FDFT1: variants seen among roughly 807,000 people sequenced by gnomAD.
The protein encoded by FDFT1 is farnesyl-diphosphate farnesyltransferase 1.
FDFT1 carries 68 observed loss-of-function variants against 46.8 expected under a neutral mutation model. The observed-to-expected ratio is 1.45, with a 90% CI of 1.19 to 1.78. FDFT1 has a LOEUF of 1.78. Ranked by LOEUF, FDFT1 falls within the 40% of genes most tolerant of loss-of-function variation. The pLI is 0.00. For missense variants in FDFT1, 928 were observed against 524.4 expected (o/e 1.77, Z -7.52); for synonymous variants, 351 against 185.1 (o/e 1.90, Z -7.28).
upstream of FDFT1, chr8:11,802,109 C>G: frequency 2.2e-6 from 1 of 454,834 alleles, no homozygotes; most frequent in Non-Finnish European, 4.4e-6. Flanking sequence ...CTCAAGTAAA[C>G]ACTAGAGAGG....
chr8:11,837,458 C>T (rs1050514671), intron 7 of FDFT1, among the ~76,000 whole-genome samples: 1 of 152,124 alleles, frequency 6.6e-6, no homozygotes, highest in Admixed American at 6.5e-5. Context: ...TCTTAAACGC[C>T]TGAGCTTAAG....
intron 7 of FDFT1, among the ~76,000 whole-genome samples, chr8:11,837,315 C>G (rs1052890476): frequency 6.6e-6 from 1 of 152,214 alleles, no homozygotes; most frequent in Admixed American, 6.5e-5. Context: ...ACTGCAACCT[C>G]CACCTCCCAG....
chr8:11,811,021 A>C (rs1807644251), intron 3 of FDFT1, among the ~76,000 whole-genome samples: 1 of 152,092 alleles, frequency 6.6e-6, no homozygotes, highest in African/African-American at 2.4e-5. Context: ...ATCAGACCTT[A>C]AGTACCAAAG....
upstream of FDFT1, chr8:11,802,367 C>G (rs572565687): frequency 1.3e-5 from 6 of 450,628 alleles, no homozygotes; most frequent in South Asian, 3.1e-5. Context: ...GCACTGCTCT[C>G]CCGACTGCGG....
chr8:11,808,519 T>C (rs968616399), intron 1 of FDFT1: 3 of 1,333,894 alleles, frequency 2.2e-6, no homozygotes, highest in Admixed American at 3.8e-5. Flanking sequence ...GCGATTCCCA[T>C]GGCCGCAGCC....
intron 3 of FDFT1, among the ~76,000 whole-genome samples, chr8:11,820,478 G>A (rs1383196391): frequency 7.2e-6 from 1 of 138,978 alleles, no homozygotes; most frequent in African/African-American, 2.6e-5. Context: ...GAGGCAGTAG[G>A]CCTTGCTGAG....
chr8:11,797,282 G>T (rs957270594), upstream of FDFT1, among the ~76,000 whole-genome samples: 2 of 152,164 alleles, frequency 1.3e-5, no homozygotes, highest in Non-Finnish European at 2.9e-5. Flanking sequence ...GGTTGTTTAA[G>T]CCATGGTTCT....
chr8:11,819,963 T>G (rs2409833), intron 3 of FDFT1, among the ~76,000 whole-genome samples: 69,430 of 151,954 alleles, frequency 0.46, 17,107 homozygotes, highest in East Asian at 0.77. Flanking sequence ...CTGCTGTGGT[T>G]TCTCCCCATC....
chr8:11,809,278 G>A (rs1807368928), intron 2 of FDFT1: 1 of 1,102,736 alleles, frequency 9.1e-7, no homozygotes, highest in African/African-American at 1.6e-5. Flanking sequence ...CATGAACTTA[G>A]ACCAGTTGCC....
upstream of FDFT1, among the ~76,000 whole-genome samples, chr8:11,799,012 A>G (rs1563283917): frequency 6.6e-6 from 1 of 152,222 alleles, no homozygotes; most frequent in Non-Finnish European, 1.5e-5. Context: ...CTAAACGTAC[A>G]TATTTAACAG....
intron 4 of FDFT1, among the ~76,000 whole-genome samples, chr8:11,823,246 A>G (rs1809508256): frequency 6.6e-6 from 1 of 152,254 alleles, no homozygotes; most frequent in South Asian, 2.1e-4. Context: ...TGACCAGCCA[A>G]TTATTTCAAG....
chr8:11,818,253 C>A (rs541369752), intron 3 of FDFT1, among the ~76,000 whole-genome samples: 1 of 152,290 alleles, frequency 6.6e-6, no homozygotes, highest in African/African-American at 2.4e-5. Flanking sequence ...TGTTCTTTTA[C>A]ATTTGCTGAG....
chr8:11,808,715 C>CTCCCAG (rs1287645760), intron 1 of FDFT1, 79 bp from the exon 2 acceptor site: 13 of 6,582 alleles, frequency 2.0e-3, no homozygotes, highest in East Asian at 0.013. Context: ...CCCAGTCCCA[C>CTCCCAG]TCCCACTCCC....
At chr8:11,818,505 T>G (rs950379233) in intron 3 of FDFT1, among the ~76,000 whole-genome samples, 1 of 152,226 alleles carries the variant, frequency 6.6e-6, no homozygotes, top group African/African-American at 2.4e-5. Context: ...TAAGTCTTTT[T>G]CTAGGTCTCT....
chr8:11,836,223 A>C (rs942497643), intron 7 of FDFT1, among the ~76,000 whole-genome samples: 1 of 151,894 alleles, frequency 6.6e-6, no homozygotes, highest in Admixed American at 6.6e-5. Context: ...GGGTCATTGT[A>C]GTGAATGCCT....
At chr8:11,832,551 CAAAAAA>C (rs531759815) in intron 7 of FDFT1, among the ~76,000 whole-genome samples, 446 of 36,368 alleles carry the variant, frequency 0.012, 12 homozygotes, top group South Asian at 0.03. Flanking sequence ...GACTTTGTCT[CAAAAAA>C]AAAAAAAAAA....
At chr8:11,834,321 G>C (rs1326757275) in intron 7 of FDFT1, among the ~76,000 whole-genome samples, 2 of 152,230 alleles carry the variant, frequency 1.3e-5, no homozygotes, top group African/African-American at 2.4e-5. Context: ...ATGCTTGTCA[G>C]CTGGGGAGAA....
chr8:11,803,814 T>C (rs1394411575), intron 1 of FDFT1: 1 of 160,140 alleles, frequency 6.2e-6, no homozygotes, highest in East Asian at 1.8e-4. Context: ...AGAAAATAAA[T>C]TTCTGGTTTT....
intron 5 of FDFT1, 72 bp from the exon 6 acceptor site, chr8:11,830,172 C>A (rs1039736661): frequency 3.3e-6 from 4 of 1,221,486 alleles, no homozygotes; most frequent in Non-Finnish European, 4.8e-6. Context: ...TGCACAAAGA[C>A]CCTTTAATAT....
Sources: gnomAD v4.1 joint callset for allele counts (sites outside exome capture counted in the v4.1 genomes callset) on GRCh38, gnomAD v4.1.1 for gene constraint, MANE v1.5 for transcripts, NCBI Gene and HGNC (gene_info 2026-07-23, HGNC 2026-07-21) for gene names.